The following ADAMTS2 variants were observed in gnomAD, a reference collection of about 807,000 sequenced individuals.
ADAMTS2 encodes A disintegrin and metalloproteinase with thrombospondin motifs 2.
In ADAMTS2, 50 loss-of-function variants were observed where a neutral mutation model predicts 123.0. The observed-to-expected ratio is 0.41, with a 90% confidence interval of 0.32 to 0.51. The LOEUF is 0.51. ADAMTS2 is among the 20% of genes least tolerant of loss of function. The pLI is 0.35. For missense variants in ADAMTS2, 1,494 were observed against 1,705.2 expected, an observed-to-expected ratio of 0.88 and a Z score of 2.18; for synonymous variants, 678 against 695.4, an observed-to-expected ratio of 0.98 and a Z score of 0.39.
intron 2 of ADAMTS2, among the ~76,000 whole-genome samples, chr5:179,325,101 C>A (rs984311093): frequency 6.6e-6 from 1 of 152,254 alleles, no homozygotes; most frequent in Admixed American, 6.5e-5. Context: ...GCACCTGCCA[C>A]AGGCACTGTT....
intron 3 of ADAMTS2, among the ~76,000 whole-genome samples, chr5:179,219,719 G>A (rs979153003): frequency 6.6e-6 from 1 of 152,198 alleles, no homozygotes; most frequent in Non-Finnish European, 1.5e-5. Context: ...AGCAGGGCTG[G>A]GGCTTCCTGT....
chr5:179,219,057 G>C (rs455655), intron 3 of ADAMTS2, among the ~76,000 whole-genome samples: 62,286 of 152,026 alleles, frequency 0.41, 13,028 homozygotes, highest in Non-Finnish European at 0.44. Flanking sequence ...GGCTCATGGG[G>C]AGCCAATCCC....
At position 179,199,656 on chromosome 5, in the gene ADAMTS2, G is replaced by T. The variant is rs557317417; in HGVS notation, c.891+7857C>A. 9.3e-4 allele frequency among the ~76,000 whole-genome samples: 142 copies of T among 152,246 alleles called. 3 individuals are homozygous for T. The South Asian group carries it at 0.029, about 31-fold the overall frequency. ...GGTGCACTCACTCTGCTAGGACCCC[G>T]TACCTGAGGAGCCTCCCCTCGGCAG... On this transcript the variant is annotated intron_variant, in intron 4 of 21. Coordinates refer to ENST00000251582, the MANE Select transcript of ADAMTS2 (RefSeq NM_014244.5).
intron 2 of ADAMTS2, among the ~76,000 whole-genome samples, chr5:179,316,456 TC>T (rs1757000596): frequency 6.6e-6 from 1 of 152,132 alleles, no homozygotes; most frequent in Non-Finnish European, 1.5e-5. Context: ...CATGTGGGCA[TC>T]CCAGGCTCCT....
chr5:179,268,323 G>A (rs1766427847), intron 3 of ADAMTS2, among the ~76,000 whole-genome samples: 1 of 152,240 alleles, frequency 6.6e-6, no homozygotes, highest in Non-Finnish European at 1.5e-5. Flanking sequence ...CCATCAAAAG[G>A]AGAGAAATGA....
intron 10 of ADAMTS2, among the ~76,000 whole-genome samples, chr5:179,142,181 AAAC>A (rs1321732636): frequency 6.6e-6 from 1 of 152,218 alleles, no homozygotes; most frequent in East Asian, 1.9e-4. Context: ...GCACTGTCAA[AAAC>A]AACAAGGGTC....
rs1268145467 is a variant in ADAMTS2, at chr5:179,307,170, G to T, written c.535-34106C>A. 6.6e-6 allele frequency among the ~76,000 whole-genome samples: 1 copy of T among 152,160 alleles called. No individual in the cohort carries two copies. The highest frequency in any genetic ancestry group is 1.5e-5 in the Non-Finnish European group (1 of 68,012). On this transcript the variant is annotated intron_variant, in intron 2 of 21. Coordinates refer to ENST00000251582, the MANE Select transcript of ADAMTS2 (RefSeq NM_014244.5). The surrounding 1 kb of genome is among the most constrained non-coding windows in gnomAD (Gnocchi z 5.6). ...TGCTAGCATGAGACAGACACAGGGG[G>T]CCCGCACTGCAGAGCTGCCCCGGCC...
intron 2 of ADAMTS2, among the ~76,000 whole-genome samples, chr5:179,319,337 T>C (rs553308995): frequency 1.3e-5 from 2 of 152,206 alleles, no homozygotes; most frequent in East Asian, 1.9e-4. Flanking sequence ...TACCCACACA[T>C]ACACATGTGC....
intron 3 of ADAMTS2, among the ~76,000 whole-genome samples, chr5:179,229,523 G>A (rs1323518538): frequency 6.6e-6 from 1 of 152,000 alleles, no homozygotes; most frequent in Non-Finnish European, 1.5e-5. Context: ...GTAATTCCAG[G>A]TCAGTGGCAT....
intron 5 of ADAMTS2, among the ~76,000 whole-genome samples, chr5:179,165,022 A>G (rs919635259): frequency 4.6e-5 from 7 of 152,216 alleles, no homozygotes; most frequent in Admixed American, 2.0e-4. Flanking sequence ...TGGACAGGGC[A>G]AGGCCCTCGC....
intron 2 of ADAMTS2, among the ~76,000 whole-genome samples, chr5:179,273,911 C>T (rs1380754240): frequency 6.6e-6 from 1 of 152,132 alleles, no homozygotes; most frequent in Non-Finnish European, 1.5e-5. Context: ...GCTTGCACCA[C>T]CCCATGCTTC....
At chr5:179,199,288 T>C (rs572588165) in intron 4 of ADAMTS2, among the ~76,000 whole-genome samples, 2 of 152,268 alleles carry the variant, frequency 1.3e-5, no homozygotes, top group South Asian at 2.1e-4. Context: ...GGACAGGCTT[T>C]CAGCTGCCCC....
chr5:179,251,088 G>A (rs1765911324), intron 3 of ADAMTS2, among the ~76,000 whole-genome samples: 1 of 152,188 alleles, frequency 6.6e-6, no homozygotes, highest in African/African-American at 2.4e-5. Context: ...GTAGCAGAAA[G>A]AGCCCAATTC....
chr5:179,286,654 C>T (rs1756029319), intron 2 of ADAMTS2, among the ~76,000 whole-genome samples: 1 of 152,180 alleles, frequency 6.6e-6, no homozygotes, highest in Non-Finnish European at 1.5e-5. Flanking sequence ...AGGTAGACTG[C>T]CAGCACCCCC....
intron 3 of ADAMTS2, among the ~76,000 whole-genome samples, chr5:179,219,178 A>C (rs1387846854): frequency 6.6e-6 from 1 of 152,082 alleles, no homozygotes; most frequent in Non-Finnish European, 1.5e-5. Flanking sequence ...CTGCTGGGAA[A>C]ATGTGACTCT....
intron 4 of ADAMTS2, among the ~76,000 whole-genome samples, chr5:179,186,761 C>T (rs1432542833): frequency 6.6e-6 from 1 of 151,188 alleles, no homozygotes; most frequent in African/African-American, 2.4e-5. Context: ...TCCCCCTCCT[C>T]CCCCGGCCCC....
Position 179,253,203 on chromosome 5 carries a change from C to T in ADAMTS2, c.688+19708G>A, listed in dbSNP as rs117132969. On this transcript the variant is annotated intron_variant, in intron 3 of 21. Transcript: ENST00000251582. ...TTGTCTCGTTTGTCAGATATGACAG[C>T]CTCTGTCTTTGAATTTGTGAGTTTA... Among the ~76,000 whole-genome samples, 60 of 152,282 alleles carry T rather than the reference C, an allele frequency of 3.9e-4. No individual in the cohort carries two copies. In the East Asian group the frequency reaches 0.011, roughly 28 times the overall value.
intron 3 of ADAMTS2, among the ~76,000 whole-genome samples, chr5:179,267,220 G>A (rs1766398483): frequency 6.6e-6 from 1 of 152,182 alleles, no homozygotes; most frequent in African/African-American, 2.4e-5. Context: ...GTCAGGAGGG[G>A]CTCTTCCTGG....
Position 179,137,774 on chromosome 5 carries a change from C to T in ADAMTS2, c.1946G>A (p.Arg649Gln), listed in dbSNP as rs766541864. 5.7e-6 allele frequency: 9 copies of T among 1,568,814 alleles called. No homozygotes were observed. The highest frequency in any genetic ancestry group is 2.7e-5 in the African/African-American group (2 of 73,770). ...AQHHWLPHEH[R>Q]DAKERCHLYC... Reference sequence around the variant, plus strand: ...TGCCTCCCAGAAGGGCTCACCATCCCGGTGCTCGTGGGGCAGCCAGTGGTG... The same window carrying T: ...TGCCTCCCAGAAGGGCTCACCATCCTGGTGCTCGTGGGGCAGCCAGTGGTG... Residue 649 changes from arginine to glutamine, a missense_variant, in exon 12 of 22, where the codon CGG (arginine) becomes CAG (glutamine). Around this residue, in one of 6 missense-constraint regions of ADAMTS2, gnomAD observed 953 missense variants for 1,124.7 expected, o/e 0.85. Coordinates refer to ENST00000251582, the MANE Select transcript of ADAMTS2 (RefSeq NM_014244.5).
Sources: gnomAD v4.1 joint callset for allele counts (sites outside exome capture counted in the v4.1 genomes callset) on GRCh38, gnomAD v4.1.1 for gene constraint, gnomAD v4.1.1 regional missense constraint, Gnocchi (gnomAD v3.1) non-coding constraint, MANE v1.5 for transcripts, NCBI Gene and HGNC (gene_info 2026-07-23, HGNC 2026-07-21) for gene names.